The following RBM33 variants were observed in gnomAD, a reference collection of about 807,000 sequenced individuals.
RBM33 encodes RNA-binding protein 33.
RBM33 carries 28 observed loss-of-function variants against 132.6 expected under a neutral mutation model. The ratio of observed to expected loss-of-function variants is 0.21; its 90% confidence interval spans 0.16 to 0.29. The LOEUF (loss-of-function observed/expected upper bound fraction) is 0.29. RBM33 is among the 10% of genes least tolerant of loss of function. RBM33 has a pLI of 1.00. For missense variants in RBM33, 1,291 were observed against 1,518.5 expected, an observed-to-expected ratio of 0.85 and a Z score of 2.49; for synonymous variants, 634 against 593.0, an observed-to-expected ratio of 1.07 and a Z score of -1.01.
intron 9 of RBM33, among the ~76,000 whole-genome samples, chr7:155,726,146 A>G (rs952384403): frequency 2.6e-5 from 4 of 152,226 alleles, no homozygotes; most frequent in Non-Finnish European, 5.9e-5. Context: ...AGTGGGATTA[A>G]TAAAGGAAAA....
intron 2 of RBM33, among the ~76,000 whole-genome samples, chr7:155,666,525 C>T (rs1410931956): frequency 6.6e-6 from 1 of 152,150 alleles, no homozygotes; most frequent in Admixed American, 6.5e-5. Context: ...AGTATGCATT[C>T]TAAAAGTTAG....
chr7:155,734,046 T>A (rs574054744), intron 9 of RBM33, among the ~76,000 whole-genome samples: 1 of 152,262 alleles, frequency 6.6e-6, no homozygotes, highest in Non-Finnish European at 1.5e-5. Flanking sequence ...CCAGTCCTGC[T>A]GTCACCTCAC....
chr7:155,674,377 C>T (rs1799116251), intron 3 of RBM33, among the ~76,000 whole-genome samples: 1 of 152,066 alleles, frequency 6.6e-6, no homozygotes, highest in South Asian at 2.1e-4. Flanking sequence ...TCTAGGTGCT[C>T]TCACTTGTAT....
intron 5 of RBM33, among the ~76,000 whole-genome samples, chr7:155,684,141 G>A (rs1237500924): frequency 6.6e-6 from 1 of 152,116 alleles, no homozygotes; most frequent in Non-Finnish European, 1.5e-5. Flanking sequence ...GCTTTATTTG[G>A]GGGTTCTAGA....
intron 14 of RBM33, among the ~76,000 whole-genome samples, chr7:155,762,459 A>G (rs1378871571): frequency 6.6e-6 from 1 of 152,164 alleles, no homozygotes; most frequent in African/African-American, 2.4e-5. Context: ...GAGTCCTCAA[A>G]TGTTGTTTTG....
chr7:155,666,522 A>G (rs1013187726), intron 2 of RBM33, among the ~76,000 whole-genome samples: 2 of 152,242 alleles, frequency 1.3e-5, no homozygotes, highest in East Asian at 1.9e-4. Flanking sequence ...GCCAGTATGC[A>G]TTCTAAAAGT....
intron 5 of RBM33, among the ~76,000 whole-genome samples, chr7:155,681,383 G>T (rs1170767695): frequency 2.6e-5 from 4 of 152,158 alleles, no homozygotes; most frequent in Non-Finnish European, 4.4e-5. Context: ...TAAAGAGATT[G>T]GAGGTTAGTT....
intron 16 of RBM33, among the ~76,000 whole-genome samples, chr7:155,771,137 T>G (rs970442123): frequency 2.6e-5 from 4 of 152,204 alleles, no homozygotes; most frequent in African/African-American, 9.7e-5. Context: ...GTATGTAGAC[T>G]TGAGACAAAT....
chr7:155,745,472 C>T lies in RBM33; in HGVS notation c.2849C>T (p.Ala950Val), dbSNP rs138938862. 15 of 1,613,594 alleles carry T rather than the reference C, an allele frequency of 9.3e-6. No individual in the cohort carries two copies. The African/African-American group carries it at 1.3e-4, about 14-fold the overall frequency. The change falls in exon 14 of 18, where the codon GCG becomes GTG. Residue 950 changes from alanine to valine, a missense_variant. By Grantham distance (64) the Ala-to-Val change is moderately conservative (BLOSUM62 0). This residue lies in a region of RBM33 where 841 missense variants were observed against 912.0 expected (regional missense o/e 0.92). Coordinates refer to ENST00000401878, the MANE Select transcript of RBM33 (RefSeq NM_053043.3). This position sits in a 1 kb window ranked among gnomAD's most constrained non-coding sequence, Gnocchi z 4.1. ...EPAVPQTPRV[A>V]SIQGRPQDTK... is the part of the protein sequence containing the mutation. ...GCTGTCCCCCAGACTCCTCGAGTGG[C>T]GTCCATCCAGGGCCGGCCCCAGGAC...
At position 155,780,778 on chromosome 7, in the gene RBM33, T is replaced by TACCACTCCATC. The variant is rs1554490928; in HGVS notation, c.*5741_*5751dup. The TACCACTCCATC allele has an allele frequency of 0.066, 6,649 of 100,392 alleles. 158 individuals are homozygous for TACCACTCCATC. Among genetic ancestry groups the TACCACTCCATC allele is most frequent in the East Asian group, 0.19 (538 of 2,900 alleles). The allele number at this position is 100,392 out of a possible 1,614,324, so 6.2% of individuals were successfully genotyped here. A position where few individuals can be genotyped will look rare whatever the true frequency, so the allele number is the denominator to read the frequency against. Reference sequence around the variant, plus strand: ...GTGCTGACGATTTTCACACTGTGTTTACCACTCCATCACCTCTCAACCTTT... The same window carrying TACCACTCCATC: ...GTGCTGACGATTTTCACACTGTGTTTACCACTCCATCACCACTCCATCACCTCTCAACCTTT... On this transcript the variant is annotated 3_prime_UTR_variant, in exon 18 of 18. Coordinates refer to ENST00000401878, the MANE Select transcript of RBM33 (RefSeq NM_053043.3).
At chr7:155,666,325 G>A (rs551312777) in intron 2 of RBM33, among the ~76,000 whole-genome samples, 1 of 152,276 alleles carries the variant, frequency 6.6e-6, no homozygotes, top group South Asian at 2.1e-4. Context: ...TCAAGAAGAG[G>A]GTGAATTTGC....
chr7:155,726,121 G>T (rs1247743945), intron 9 of RBM33, among the ~76,000 whole-genome samples: 1 of 152,098 alleles, frequency 6.6e-6, no homozygotes, highest in Non-Finnish European at 1.5e-5. Context: ...TTCTTATATC[G>T]TTCTTTGTAT....
In RBM33 at chr7:155,673,627, CACACATATACATACACACGTGTATATAT is replaced by C. The variant is rs1260104124; in HGVS notation, c.171+718_171+745del. Among the ~76,000 whole-genome samples, 103 of 38,800 alleles carry C rather than the reference CACACATATACATACACACGTGTATATAT, an allele frequency of 2.7e-3. 2 individuals are homozygous for C. Among genetic ancestry groups the C allele is most frequent in the East Asian group, 9.1e-3 (12 of 1,318 alleles). 25.5% of individuals were successfully genotyped at this position (38,800 alleles called of 152,430 possible). Reference sequence around the variant, plus strand: ...ATACATACACACGTGTATATATATACACACATATACATACACACGTGTATATATACACACATATACATACACACGTGTA... The same window carrying C: ...ATACATACACACGTGTATATATATACACACACATATACATACACACGTGTA... On this transcript the variant is annotated intron_variant, in intron 3 of 17. Transcript: ENST00000401878.
chr7:155,663,778 C>G (rs1429291830), intron 1 of RBM33, among the ~76,000 whole-genome samples: 1 of 152,114 alleles, frequency 6.6e-6, no homozygotes, highest in African/African-American at 2.4e-5. Flanking sequence ...CCTACCCCAA[C>G]CACCTGCCCC....
At chr7:155,689,972 G>C (rs1698669992) in intron 5 of RBM33, among the ~76,000 whole-genome samples, 1 of 152,230 alleles carries the variant, frequency 6.6e-6, no homozygotes, top group African/African-American at 2.4e-5. Flanking sequence ...GACTTCTGTA[G>C]ATGTCTATTA....
chr7:155,669,844 G>C (rs938091238), intron 2 of RBM33, among the ~76,000 whole-genome samples: 1 of 152,110 alleles, frequency 6.6e-6, no homozygotes, highest in African/African-American at 2.4e-5. Context: ...AGAGGGGAGG[G>C]GCCGGTCTTT....
At position 155,766,667 on chromosome 7, in the gene RBM33, G is replaced by A; in HGVS notation, c.3375+12G>A. The A allele has an allele frequency of 6.2e-7, 1 of 1,604,572 alleles. No homozygotes were observed. Among genetic ancestry groups the A allele is most frequent in the Non-Finnish European group, 8.5e-7 (1 of 1,175,640 alleles). On this transcript the variant is annotated intron_variant, in intron 16 of 17. Coordinates refer to ENST00000401878, the MANE Select transcript of RBM33 (RefSeq NM_053043.3). ...TGGGACCCATTCAGGTAGCCGCCTG[G>A]GGGTGGCATCTGTGCCACGGGTAGT...
Position 155,713,567 on chromosome 7 carries a change from G to T in RBM33, c.1201+2112G>T, listed in dbSNP as rs1202229638. Among the ~76,000 whole-genome samples the T allele has an allele frequency of 2.6e-5, 4 of 152,142 alleles. 1 individual carries two copies. Among genetic ancestry groups the T allele is most frequent in the Middle Eastern group, 6.4e-3 (2 of 314 alleles). On this transcript the variant is annotated intron_variant, in intron 8 of 17. Transcript: ENST00000401878. ...ATGGGGAAGGAAGCAGGTGGCCACG[G>T]GCTGGCAGGGCTGCTGCCAATGGGT... is the stretch of plus-strand genomic sequence containing the variant.
intron 5 of RBM33, among the ~76,000 whole-genome samples, chr7:155,686,490 T>A (rs1245970354): frequency 2.0e-5 from 3 of 151,936 alleles, no homozygotes; most frequent in African/African-American, 4.8e-5. Flanking sequence ...TTTTTTTTTT[T>A]AAATTATATT....
Sources: gnomAD v4.1 joint callset for allele counts (sites outside exome capture counted in the v4.1 genomes callset) on GRCh38, gnomAD v4.1.1 for gene constraint, gnomAD v4.1.1 regional missense constraint, Gnocchi (gnomAD v3.1) non-coding constraint, MANE v1.5 for transcripts, NCBI Gene and HGNC (gene_info 2026-07-23, HGNC 2026-07-21) for gene names.